The following MORC1 variants were observed in gnomAD, a reference collection of about 807,000 sequenced individuals.
MORC1 encodes the protein MORC family CW-type zinc finger 1.
A neutral mutation model predicts 134.9 loss-of-function variants in MORC1; 59 were observed. The ratio of observed to expected loss-of-function variants is 0.44; its 90% CI spans 0.35 to 0.54. MORC1 has a LOEUF of 0.54. Among genes scored for constraint, MORC1 ranks in the 20% least tolerant of loss-of-function variants. MORC1 has a pLI of 0.00. For synonymous variants in MORC1, 395 were observed against 391.7 expected (o/e 1.01, Z -0.10); for missense variants, 947 against 1,134.5 (o/e 0.83, Z 2.37).
intron 8 of MORC1, among the ~76,000 whole-genome samples, chr3:109,083,425 C>T (rs1950559045): frequency 6.6e-6 from 1 of 151,674 alleles, no homozygotes; most frequent in Non-Finnish European, 1.5e-5. Flanking sequence ...AGTATGAAAC[C>T]CAAAAGACAA....
At chr3:108,994,953 T>C (rs2107501021) in intron 21 of MORC1, among the ~76,000 whole-genome samples, 1 of 152,340 alleles carries the variant, frequency 6.6e-6, no homozygotes, top group South Asian at 2.1e-4. Context: ...GGATGAGCTG[T>C]TTACTTCTTT....
chr3:109,112,188 G>C (rs1391313971), intron 2 of MORC1, among the ~76,000 whole-genome samples: 3 of 152,096 alleles, frequency 2.0e-5, no homozygotes, highest in Non-Finnish European at 2.9e-5. Context: ...CATATATTAA[G>C]ACATTTTATA....
chr3:109,080,681 T>C (rs913802969), intron 8 of MORC1, among the ~76,000 whole-genome samples: 5 of 152,190 alleles, frequency 3.3e-5, no homozygotes, highest in Non-Finnish European at 4.4e-5. Flanking sequence ...AAGAGCATTT[T>C]ATAATAAAAC....
chr3:109,040,398 G>GAAAT (rs1949487339), intron 14 of MORC1, among the ~76,000 whole-genome samples: 1 of 41,378 alleles, frequency 2.4e-5, no homozygotes, highest in African/African-American at 6.9e-5. Context: ...AAGAAAGAAA[G>GAAAT]AAAGAGAAGG....
intron 10 of MORC1, among the ~76,000 whole-genome samples, chr3:109,062,900 G>A (rs13098469): frequency 0.15 from 22,958 of 151,956 alleles, 1,891 homozygotes; most frequent in African/African-American, 0.21. Flanking sequence ...AGACAAACAA[G>A]GTTTCTAACA....
chr3:109,027,431 C>T (rs906810681), intron 17 of MORC1, among the ~76,000 whole-genome samples: 2 of 152,138 alleles, frequency 1.3e-5, no homozygotes, highest in South Asian at 4.1e-4. Context: ...ATTTGTGTTG[C>T]GCCTTGACCA....
At position 109,092,197 on chromosome 3, in the gene MORC1, A is replaced by G. The variant is rs772871479; in HGVS notation, c.689+1239T>C. Among the ~76,000 whole-genome samples, 175 of 152,212 alleles carry G rather than the reference A, an allele frequency of 1.1e-3. 2 individuals carry two copies. Among genetic ancestry groups the G allele is most frequent in the Admixed American group, 1.2e-3 (18 of 15,280 alleles). On this transcript the variant is annotated intron_variant, in intron 8 of 27. Coordinates refer to ENST00000232603, the MANE Select transcript of MORC1 (RefSeq NM_014429.4). ...TATTAATGCTGGCACAGTGGTTCCC[A>G]GCATTTGTGGAACAGCCATTAGGCT...
At chr3:109,088,312 T>C (rs561152668) in intron 8 of MORC1, among the ~76,000 whole-genome samples, 33 of 152,226 alleles carry the variant, frequency 2.2e-4, no homozygotes, top group Admixed American at 2.0e-4. Context: ...GAGAAAGTAT[T>C]TGCAAACTAT....
chr3:109,064,763 C>A (rs2107692487), intron 9 of MORC1, among the ~76,000 whole-genome samples: 1 of 152,146 alleles, frequency 6.6e-6, no homozygotes, highest in South Asian at 2.1e-4. Flanking sequence ...TTATTCTTTA[C>A]AACATGTAAT....
chr3:109,071,322 TAC>T (rs1559935498), intron 8 of MORC1, among the ~76,000 whole-genome samples: 1 of 152,102 alleles, frequency 6.6e-6, no homozygotes, highest in East Asian at 1.9e-4. Context: ...AACATATATA[TAC>T]ACACACACAT....
At chr3:109,009,942 T>C (rs1948644302) in intron 17 of MORC1, among the ~76,000 whole-genome samples, 1 of 152,218 alleles carries the variant, frequency 6.6e-6, no homozygotes, top group Non-Finnish European at 1.5e-5. Flanking sequence ...TGTGTCTCCT[T>C]CTTACTGCTA....
chr3:108,983,425 T>A (rs1467734104), intron 23 of MORC1, among the ~76,000 whole-genome samples: 2 of 152,134 alleles, frequency 1.3e-5, no homozygotes, highest in Non-Finnish European at 2.9e-5. Context: ...TTTAAAATAG[T>A]AATACACGCT....
intron 8 of MORC1, among the ~76,000 whole-genome samples, chr3:109,089,607 A>G (rs969465042): frequency 6.6e-6 from 1 of 151,542 alleles, no homozygotes; most frequent in African/African-American, 2.5e-5. Flanking sequence ...TTTTGCACAA[A>G]TGGACTATTT....
chr3:109,010,332 G>A (rs1344995651), intron 17 of MORC1, among the ~76,000 whole-genome samples: 4 of 152,068 alleles, frequency 2.6e-5, no homozygotes, highest in Admixed American at 2.0e-4. Context: ...TTCTGTTTAA[G>A]TTCTGCAAAT....
At chr3:109,063,830 T>C (rs1345530864) in intron 9 of MORC1, among the ~76,000 whole-genome samples, 4 of 152,030 alleles carry the variant, frequency 2.6e-5, no homozygotes, top group African/African-American at 9.7e-5. Flanking sequence ...AAAGCATAGG[T>C]GAGAAAAGCT....
At chr3:109,047,330 AT>A (rs1253816315) in intron 14 of MORC1, among the ~76,000 whole-genome samples, 2 of 152,168 alleles carry the variant, frequency 1.3e-5, no homozygotes, top group Non-Finnish European at 2.9e-5. Flanking sequence ...ATTTTATTGA[AT>A]TCCAGAAAGA....
intron 17 of MORC1, among the ~76,000 whole-genome samples, chr3:109,014,406 C>T (rs1948768099): frequency 6.6e-6 from 1 of 152,164 alleles, no homozygotes; most frequent in Admixed American, 6.5e-5. Flanking sequence ...GAGCCCACTG[C>T]TCACCTCTTT....
At chr3:109,111,901 T>C (rs1031220312) in intron 2 of MORC1, among the ~76,000 whole-genome samples, 1 of 152,186 alleles carries the variant, frequency 6.6e-6, no homozygotes, top group South Asian at 2.1e-4. Flanking sequence ...CCTCCCTATA[T>C]AGACACTCTG....
At chr3:109,024,045 ACAACC>A (rs1356702570) in intron 17 of MORC1, among the ~76,000 whole-genome samples, 1 of 152,228 alleles carries the variant, frequency 6.6e-6, no homozygotes. Flanking sequence ...TACATGGAGG[ACAACC>A]CCTTTAGTCT....
Sources: allele counts gnomAD v4.1 joint callset (sites outside exome capture counted in the v4.1 genomes callset), GRCh38; gene constraint gnomAD v4.1.1; transcripts MANE v1.5; gene names NCBI Gene and HGNC (gene_info 2026-07-23, HGNC 2026-07-21).